Variants in SLA observed in about 807,000 individuals in gnomAD.
SLA encodes the protein Src like adaptor, also known as src-like-adapter.
A neutral mutation model predicts 30.3 loss-of-function variants in SLA; 16 were observed. The ratio of observed to expected loss-of-function variants is 0.53; its 90% CI spans 0.36 to 0.80. SLA has a LOEUF of 0.80. Among genes scored for constraint, SLA ranks in the 30% least tolerant of loss-of-function variants. SLA has a pLI of 0.01. For synonymous variants in SLA, 143 were observed against 137.8 expected, an observed-to-expected ratio of 1.04 and a Z score of -0.26; for missense variants, 310 against 345.2, an observed-to-expected ratio of 0.90 and a Z score of 0.81.
intron 1 of SLA, among the ~76,000 whole-genome samples, chr8:133,086,977 A>G (rs551067817): frequency 6.6e-6 from 1 of 152,160 alleles, no homozygotes; most frequent in African/African-American, 2.4e-5. Flanking sequence ...GTAAATAAAT[A>G]AGTAATGATA....
At chr8:133,062,030 C>T (rs867376116) in intron 2 of SLA, among the ~76,000 whole-genome samples, 7 of 152,214 alleles carry the variant, frequency 4.6e-5, no homozygotes, top group Non-Finnish European at 1.0e-4. Flanking sequence ...AAGACAATGA[C>T]CAGGCTCGCA....
chr8:133,092,233 GGCGCAGGCCCTGACTCCGAA>G (rs1847670303), intron 1 of SLA, among the ~76,000 whole-genome samples: 1 of 152,232 alleles, frequency 6.6e-6, no homozygotes, highest in Admixed American at 6.5e-5. Flanking sequence ...TGCTTGGCCA[GGCGCAGGCCCTGACTCCGAA>G]GCAACTACAG....
At chr8:133,077,667 A>C (rs1304208502) in intron 1 of SLA, among the ~76,000 whole-genome samples, 1 of 152,104 alleles carries the variant, frequency 6.6e-6, no homozygotes, top group African/African-American at 2.4e-5. Context: ...CTCTGTTTTC[A>C]GTAACCCCAA....
chr8:133,055,699 C>G (rs1391225166), intron 3 of SLA, among the ~76,000 whole-genome samples: 1 of 152,158 alleles, frequency 6.6e-6, no homozygotes, highest in East Asian at 1.9e-4. Context: ...AGAACAGAAG[C>G]AAGAAATAGT....
Position 133,055,356 on chromosome 8 carries a change from C to T in SLA, c.62-4441G>A, listed in dbSNP as rs563865855. Among the ~76,000 whole-genome samples, 6 of 66,900 alleles carry T rather than the reference C, an allele frequency of 9.0e-5. No homozygotes were observed. The South Asian group carries it at 1.4e-3, about 16-fold the overall frequency. 43.9% of individuals were successfully genotyped at this position (66,900 alleles called of 152,430 possible). ...CAGTGTCATCTTCAGGACACACACA[C>T]GCACGCGCGCACACACACACACACA... is the stretch of plus-strand genomic sequence containing the variant. On this transcript the variant is annotated intron_variant, in intron 3 of 8. Coordinates refer to ENST00000338087, the MANE Select transcript of SLA (RefSeq NM_001045556.3).
At chr8:133,049,021 C>T in intron 5 of SLA, 1 of 364,374 alleles carries the variant, frequency 2.7e-6, no homozygotes, top group South Asian at 1.9e-5. Flanking sequence ...ATTTCTTTGC[C>T]AACTTCCAGC....
intron 2 of SLA, among the ~76,000 whole-genome samples, chr8:133,074,363 C>T (rs60970828): frequency 0.024 from 3,674 of 152,262 alleles, 152 homozygotes; most frequent in African/African-American, 0.084. Context: ...AGCCTGATAG[C>T]GTTTACTGAG....
intron 2 of SLA, chr8:133,073,377 T>A (rs989036741): frequency 1.3e-5 from 2 of 152,196 alleles, no homozygotes; most frequent in Non-Finnish European, 2.9e-5. Flanking sequence ...TTTTTTTAGA[T>A]GAAGTTTCGC....
intron 1 of SLA, among the ~76,000 whole-genome samples, chr8:133,093,131 T>TTC (rs1448661439): frequency 1.4e-5 from 1 of 71,618 alleles, no homozygotes; most frequent in Non-Finnish European, 3.4e-5. Flanking sequence ...TTTCTTTTCT[T>TTC]TTCTTTTCTT....
At chr8:133,067,136 C>A (rs1843147195) in intron 2 of SLA, among the ~76,000 whole-genome samples, 1 of 152,144 alleles carries the variant, frequency 6.6e-6, no homozygotes, top group Non-Finnish European at 1.5e-5. Context: ...GTCTCCCTGG[C>A]AGGATTTCCG....
At chr8:133,084,020 T>C (rs1223109707) in intron 1 of SLA, among the ~76,000 whole-genome samples, 3 of 152,140 alleles carry the variant, frequency 2.0e-5, no homozygotes, top group African/African-American at 4.8e-5. Context: ...CCATTCCCTC[T>C]CCTGTGCTCA....
intron 1 of SLA, among the ~76,000 whole-genome samples, chr8:133,084,925 A>C (rs969021440): frequency 7.2e-5 from 11 of 152,184 alleles, no homozygotes; most frequent in African/African-American, 2.7e-4. Context: ...TTTGGAGAAA[A>C]ATGGCCTGAA....
intron 2 of SLA, among the ~76,000 whole-genome samples, chr8:133,071,193 T>C (rs543170887): frequency 6.6e-6 from 1 of 152,182 alleles, no homozygotes; most frequent in Non-Finnish European, 1.5e-5. Flanking sequence ...GTGTCCTAGG[T>C]GTGTTACATG....
Position 133,060,604 on chromosome 8 carries a change from T to C in SLA, c.-40-404A>G, listed in dbSNP as rs549114535. Among the ~76,000 whole-genome samples the C allele has an allele frequency of 4.6e-4, 70 of 152,260 alleles. 1 individual carries two copies. The highest frequency in any genetic ancestry group is 1.7e-3 in the African/African-American group (70 of 41,548). Reference sequence around the variant, plus strand: ...CCAGGAATTTGGAGTACAGGAGTTGTGTGTCTGTACAACCAAAGGCATGAG... The same window carrying C: ...CCAGGAATTTGGAGTACAGGAGTTGCGTGTCTGTACAACCAAAGGCATGAG... On this transcript the variant is annotated intron_variant, in intron 2 of 8. Transcript: ENST00000338087.
At chr8:133,050,173 G>C (rs1840144189) in intron 4 of SLA, 185 bp from the exon 5 acceptor site, 1 of 608,412 alleles carries the variant, frequency 1.6e-6, no homozygotes, top group Non-Finnish European at 3.0e-6. Flanking sequence ...TATGTGTCCA[G>C]TGGATAGCCC....
intron 1 of SLA, among the ~76,000 whole-genome samples, chr8:133,078,820 A>G (rs1479594931): frequency 6.6e-6 from 1 of 152,234 alleles, no homozygotes; most frequent in Non-Finnish European, 1.5e-5. Context: ...CAGAGGACAG[A>G]CGGGGAGAGA....
chr8:133,056,986 T>G (rs1157519605), intron 3 of SLA, among the ~76,000 whole-genome samples: 1 of 152,162 alleles, frequency 6.6e-6, no homozygotes, highest in African/African-American at 2.4e-5. Context: ...TTTCAGTTAC[T>G]TCCCAGGGGA....
Position 133,050,824 on chromosome 8 carries a change from C to A in SLA, c.153G>T (p.Val51=), listed in dbSNP as rs1840262609. The stretch of plus-strand genomic sequence containing the variant: ...TTGGAGAGCTGACTCACTCAGAAAT[C>A]ACACGCAGTTTCTCCCCTCGGCGGA... ...PIFRRGEKLR[V]ISDEGGWWKA... Residue 51 remains valine (V), a synonymous_variant, in exon 4 of 9, where the codon GTG becomes GTT. Coordinates refer to ENST00000338087, the MANE Select transcript of SLA (RefSeq NM_001045556.3). 1 of 1,604,860 alleles carries A rather than the reference C, an allele frequency of 6.2e-7. No individual in the cohort carries two copies. The highest frequency in any genetic ancestry group is 1.1e-5 in the South Asian group (1 of 90,916).
chr8:133,085,991 T>A (rs1846492086), intron 1 of SLA, among the ~76,000 whole-genome samples: 1 of 152,232 alleles, frequency 6.6e-6, no homozygotes, highest in Admixed American at 6.5e-5. Context: ...AGCCAATGAG[T>A]AGGTAAGCAA....
Sources: allele counts gnomAD v4.1 joint callset (sites outside exome capture counted in the v4.1 genomes callset), GRCh38; gene constraint gnomAD v4.1.1; transcripts MANE v1.5; gene names NCBI Gene and HGNC (gene_info 2026-07-23, HGNC 2026-07-21).